Variants in RIPK2 observed in about 807,000 individuals in gnomAD.
RIPK2 encodes receptor interacting serine/threonine kinase 2, also known as receptor-interacting serine/threonine-protein kinase 2.
In RIPK2, 38 loss-of-function variants were observed where a neutral mutation model predicts 60.9. The ratio of observed to expected loss-of-function variants is 0.62; its 90% CI spans 0.48 to 0.82. The LOEUF (loss-of-function observed/expected upper bound fraction) is 0.82. Ranked by LOEUF, RIPK2 falls within the 40% of genes least tolerant of loss-of-function variation. The pLI is 0.00. For missense variants in RIPK2, 518 were observed against 647.0 expected (o/e 0.80, Z 2.16); for synonymous variants, 225 against 223.4 (o/e 1.01, Z -0.06).
chr8:89,790,412 T>C lies in RIPK2; in HGVS notation c.1619T>C (p.Met540Thr). Residue 540 changes from methionine (M) to threonine (T), a missense_variant, in exon 11 of 11, where the codon ATG (methionine) becomes ACG (threonine). Physicochemically the swap from Met to Thr is moderately conservative, Grantham distance 81. Transcript: ENST00000220751. ...TTAAATTTACTTCAAAATAAAAGCA[T>C]GTAAGTGACTGTTTTTCAAGAAGAA... ...PSLNLLQNKSM is the reference protein window; with the variant it reads ...PSLNLLQNKST 6.4e-7 allele frequency: 1 copy of C among 1,560,960 alleles called. No homozygotes were observed. The highest frequency in any genetic ancestry group is 8.7e-7 in the Non-Finnish European group (1 of 1,152,156).
chr8:89,770,612 ACT>A (rs879841072), intron 4 of RIPK2, among the ~76,000 whole-genome samples: 4 of 151,674 alleles, frequency 2.6e-5, no homozygotes, highest in Non-Finnish European at 5.9e-5. Context: ...GCAAAAGCAG[ACT>A]CTCTAAGTTT....
chr8:89,776,923 A>G (rs946579216), intron 6 of RIPK2, among the ~76,000 whole-genome samples: 1 of 152,222 alleles, frequency 6.6e-6, no homozygotes, highest in Admixed American at 6.5e-5. Context: ...AAGAGCAGCA[A>G]TCTCTGATGG....
At position 89,789,397 on chromosome 8, in the gene RIPK2, A is replaced by G. The variant is rs1052720; in HGVS notation, c.1200A>G (p.Gly400=). The G allele has an allele frequency of 1.2e-6, 2 of 1,613,936 alleles. No homozygotes were observed. Among genetic ancestry groups the G allele is most frequent in the Non-Finnish European group, 1.7e-6 (2 of 1,179,964 alleles). The change falls in exon 10 of 11, where the codon GGA becomes GGG. Residue 400 remains glycine, a synonymous_variant. Transcript: ENST00000220751. ...GNHSWDSTIS[G]SQRAAFCDHK... is the part of the protein sequence containing the mutation. ...ACAGTTGGGATAGCACCATTTCTGG[A>G]TCTCAAAGGGCTGCATTCTGTGATC...
chr8:89,761,870 T>TTA, intron 1 of RIPK2, among the ~76,000 whole-genome samples: 1 of 152,160 alleles, frequency 6.6e-6, no homozygotes, highest in African/African-American at 2.4e-5. Context: ...ACTCCTTTTA[T>TTA]ATTACATAAA....
chr8:89,780,839 C>T (rs1005703699), intron 7 of RIPK2: 1 of 151,606 alleles, frequency 6.6e-6, no homozygotes, highest in African/African-American at 2.4e-5. Flanking sequence ...TTTTATAGAC[C>T]AAGGTAGCAG....
chr8:89,787,676 A>T (rs979516417), intron 9 of RIPK2, among the ~76,000 whole-genome samples: 3 of 152,212 alleles, frequency 2.0e-5, no homozygotes, highest in Non-Finnish European at 2.9e-5. Flanking sequence ...TCTAACTTTC[A>T]GCTGAACTAT....
intron 5 of RIPK2, 22 bp downstream of exon 5, chr8:89,771,812 T>A: frequency 6.6e-7 from 1 of 1,509,674 alleles, no homozygotes; most frequent in Non-Finnish European, 9.2e-7. Flanking sequence ...TTGACTTTTT[T>A]ATGCTCAATA....
At chr8:89,775,114 G>A (rs1202457005) in intron 6 of RIPK2, among the ~76,000 whole-genome samples, 5 of 152,050 alleles carry the variant, frequency 3.3e-5, no homozygotes, top group East Asian at 1.9e-4. Flanking sequence ...AAAAAATGAG[G>A]TGATAGCTAA....
chr8:89,772,544 G>A (rs186494446), intron 5 of RIPK2, 123 bp from the exon 6 acceptor site: 1 of 651,616 alleles, frequency 1.5e-6, no homozygotes. Context: ...TTACAGAAAG[G>A]GGGGTAAGGC....
At chr8:89,777,577 G>A (rs1449908567) in intron 6 of RIPK2, among the ~76,000 whole-genome samples, 1 of 91,048 alleles carries the variant, frequency 1.1e-5, no homozygotes, top group African/African-American at 7.6e-5. Flanking sequence ...ATAGTACAGT[G>A]TGAGTGTGTG....
At position 89,764,119 on chromosome 8, in the gene RIPK2, T is replaced by C. The variant is rs113242434; in HGVS notation, c.327+1137T>C. ...CACAAGCCCCCATATTATATTATGC[T>C]GCAGAGAGGCCTGGTAACTGCTTTA... On this transcript the variant is annotated intron_variant, in intron 2 of 10. Coordinates refer to ENST00000220751, the MANE Select transcript of RIPK2 (RefSeq NM_003821.6). Among the ~76,000 whole-genome samples, 616 of 152,262 alleles carry C rather than the reference T, an allele frequency of 4.0e-3. 2 individuals are homozygous for C. The highest frequency in any genetic ancestry group is 4.9e-3 in the Non-Finnish European group (334 of 67,994).
Position 89,769,811 on chromosome 8 carries a change from C to T in RIPK2, c.523C>T (p.Leu175Phe), listed in dbSNP as rs1809284628. The T allele has an allele frequency of 1.2e-6, 2 of 1,608,762 alleles. No homozygotes were observed. The highest frequency in any genetic ancestry group is 2.2e-5 in the South Asian group (2 of 90,538). Residue 175 changes from leucine to phenylalanine, a missense_variant, in exon 4 of 11, where the codon CTC (leucine) becomes TTC (phenylalanine). Physicochemically the swap from Leu to Phe is conservative, Grantham distance 22. This residue lies in a region of RIPK2 where 448 missense variants were observed against 534.7 expected (regional missense o/e 0.84). Coordinates refer to ENST00000220751, the MANE Select transcript of RIPK2 (RefSeq NM_003821.6). ...FGLSKWRMMS[L>F]SQSRSSKSAP... is the part of the protein sequence containing the mutation. ...TTTATCAAAGTGGCGCATGATGTCC[C>T]TCTCACAGTCACGAAGTAGCAAATC...
intron 9 of RIPK2, among the ~76,000 whole-genome samples, chr8:89,787,739 G>T (rs985599200): frequency 2.0e-5 from 3 of 152,282 alleles, no homozygotes; most frequent in Middle Eastern, 6.8e-3. Context: ...TTGAGCAAGG[G>T]AGTGACATAA....
At chr8:89,758,441 A>T (rs43133) in intron 1 of RIPK2, among the ~76,000 whole-genome samples, 52,338 of 152,062 alleles carry the variant, frequency 0.34, 10,113 homozygotes, top group Non-Finnish European at 0.44. Context: ...TTCTCTGGAG[A>T]TGCAGCAGTT....
At chr8:89,781,227 G>A (rs1057492536) in intron 7 of RIPK2, among the ~76,000 whole-genome samples, 3 of 151,860 alleles carry the variant, frequency 2.0e-5, no homozygotes, top group Non-Finnish European at 4.4e-5. Flanking sequence ...AAAGGGAAAT[G>A]CATAAAGGAA....
At chr8:89,763,889 A>G (rs1809184306) in intron 2 of RIPK2, among the ~76,000 whole-genome samples, 1 of 152,210 alleles carries the variant, frequency 6.6e-6, no homozygotes, top group African/African-American at 2.4e-5. Flanking sequence ...ACAAATATTA[A>G]TAAATCACAA....
chr8:89,758,558 G>T (rs1809091063), intron 1 of RIPK2, among the ~76,000 whole-genome samples: 1 of 152,090 alleles, frequency 6.6e-6, no homozygotes. Context: ...AACTCTAAAC[G>T]CTGGGTTTAC....
At chr8:89,759,650 T>C (rs1000804882) in intron 1 of RIPK2, among the ~76,000 whole-genome samples, 1 of 152,240 alleles carries the variant, frequency 6.6e-6, no homozygotes, top group Non-Finnish European at 1.5e-5. Flanking sequence ...AGGTGTGGTG[T>C]CTGTTTACTC....
At chr8:89,780,629 T>G (rs1809482952) in intron 7 of RIPK2, 2 of 152,170 alleles carry the variant, frequency 1.3e-5, no homozygotes, top group African/African-American at 4.8e-5. Context: ...GAGGTGTTTG[T>G]TTTTTAATGT....
Sources: allele counts gnomAD v4.1 joint callset (sites outside exome capture counted in the v4.1 genomes callset), GRCh38; gene constraint gnomAD v4.1.1; regional missense constraint gnomAD v4.1.1; transcripts MANE v1.5; gene names NCBI Gene and HGNC (gene_info 2026-07-23, HGNC 2026-07-21).